The following GOLM1 variants were observed in gnomAD, a reference collection of about 807,000 sequenced individuals.
GOLM1 encodes epididymis luminal protein 46.
In GOLM1, 31 loss-of-function variants were observed where a neutral mutation model predicts 50.5. The ratio of observed to expected loss-of-function variants is 0.61; its 90% CI spans 0.46 to 0.83. The LOEUF (loss-of-function observed/expected upper bound fraction) is 0.83, where lower values mean the gene tolerates loss of function less well. Among genes scored for constraint, GOLM1 ranks in the 40% least tolerant of loss-of-function variants. The pLI, the probability that GOLM1 is intolerant of heterozygous loss-of-function variation, is 0.00. For missense variants in GOLM1, 491 were observed against 501.3 expected (o/e 0.98, Z 0.20); for synonymous variants, 178 against 192.8 (o/e 0.92, Z 0.64).
chr9:86,033,274 A>T lies in GOLM1; in HGVS notation c.1129+8T>A, dbSNP rs1833037416. ...TGACCTCGTCACCGATGTAGGCCCCATTCTTACCATCTATGTTTCTGTCAT... is the reference window on the plus strand; with the variant it reads ...TGACCTCGTCACCGATGTAGGCCCCTTTCTTACCATCTATGTTTCTGTCAT... On this transcript the variant is annotated splice_region_variant and intron_variant, in intron 9 of 9. Transcript: ENST00000388712. 4 of 1,508,480 alleles carry T rather than the reference A, an allele frequency of 2.7e-6. No individual in the cohort carries two copies. The highest frequency in any genetic ancestry group is 3.7e-6 in the Non-Finnish European group (4 of 1,083,348). 93.4% of individuals were successfully genotyped at this position (1,508,480 alleles called of 1,614,324 possible). A position where few individuals can be genotyped will look rare whatever the true frequency, so the allele number is the denominator to read the frequency against.
chr9:86,080,517 A>AT (rs1375997905), intron 1 of GOLM1, among the ~76,000 whole-genome samples: 1 of 152,190 alleles, frequency 6.6e-6, no homozygotes, highest in Non-Finnish European at 1.5e-5. Context: ...AAGGAAGAGG[A>AT]TACCACCAAG....
chr9:86,036,274 C>A, intron 7 of GOLM1, 74 bp downstream of exon 7: 2 of 1,495,480 alleles, frequency 1.3e-6, no homozygotes, highest in South Asian at 2.3e-5. Flanking sequence ...ACTGCCTCAG[C>A]AGCTCGCTGG....
chr9:86,038,549 G>A (rs1833228074), intron 6 of GOLM1, among the ~76,000 whole-genome samples: 2 of 152,186 alleles, frequency 1.3e-5, no homozygotes, highest in Admixed American at 1.3e-4. Context: ...GGGGTAGGGA[G>A]TGGGTACTGA....
chr9:86,027,969 T>C, intron 9 of GOLM1, 76 bp from the exon 10 acceptor site: 1 of 814,818 alleles, frequency 1.2e-6, no homozygotes, highest in Non-Finnish European at 2.0e-6. Context: ...CATTTTCTTA[T>C]CAACTTCTAG....
chr9:86,033,049 A>G (rs1348642870), intron 9 of GOLM1, among the ~76,000 whole-genome samples: 3 of 152,166 alleles, frequency 2.0e-5, no homozygotes, highest in Non-Finnish European at 4.4e-5. Flanking sequence ...GCCACACTGA[A>G]TATGTTTCTA....
At chr9:86,097,417 A>G (rs1160833022) in intron 1 of GOLM1, among the ~76,000 whole-genome samples, 2 of 152,220 alleles carry the variant, frequency 1.3e-5, no homozygotes, top group African/African-American at 4.8e-5. Flanking sequence ...ACATTACGTC[A>G]CTGAAAAAGA....
In GOLM1 at chr9:86,027,656, C is replaced by T; in HGVS notation, c.*161G>A. 1 of 1,400,598 alleles carries T rather than the reference C, an allele frequency of 7.1e-7. No individual in the cohort carries two copies. Among genetic ancestry groups the T allele is most frequent in the Non-Finnish European group, 9.3e-7 (1 of 1,080,292 alleles). 86.8% of individuals were successfully genotyped at this position (1,400,598 alleles called of 1,614,324 possible). ...CCCAAAAGCTGTTTAAAAGACCATT[C>T]CATTTTTTCCTACACAAAGTGCATA... On this transcript the variant is annotated 3_prime_UTR_variant, in exon 10 of 10. Transcript: ENST00000388712.
intron 3 of GOLM1, among the ~76,000 whole-genome samples, chr9:86,056,092 A>G (rs1833977792): frequency 6.6e-6 from 1 of 151,624 alleles, no homozygotes; most frequent in South Asian, 2.1e-4. Flanking sequence ...TATGAAAATT[A>G]TGGCAATTTG....
intron 3 of GOLM1, among the ~76,000 whole-genome samples, chr9:86,064,819 G>C (rs1306040397): frequency 6.6e-6 from 1 of 152,206 alleles, no homozygotes; most frequent in African/African-American, 2.4e-5. Context: ...CCTGCCTGGT[G>C]GGGGATGCAG....
chr9:86,041,395 G>T (rs968897224), intron 5 of GOLM1, among the ~76,000 whole-genome samples: 3 of 152,188 alleles, frequency 2.0e-5, no homozygotes, highest in Non-Finnish European at 4.4e-5. Flanking sequence ...GAAGGGAGGA[G>T]TGGAGATTGA....
At chr9:86,049,943 C>T (rs1479861739) in intron 4 of GOLM1, among the ~76,000 whole-genome samples, 1 of 152,116 alleles carries the variant, frequency 6.6e-6, no homozygotes, top group Non-Finnish European at 1.5e-5. Context: ...CTGTCTTGTG[C>T]CTGTTTTCAA....
intron 3 of GOLM1, 39 bp downstream of exon 3, chr9:86,077,373 C>T (rs1244532429): frequency 1.3e-6 from 2 of 1,523,332 alleles, no homozygotes; most frequent in Non-Finnish European, 1.8e-6. Context: ...AGACACCATC[C>T]CTTAGAAAAG....
In GOLM1 at chr9:86,077,459, G is replaced by C; in HGVS notation, c.262C>G (p.His88Asp). The C allele has an allele frequency of 1.9e-6, 3 of 1,614,102 alleles. No individual in the cohort carries two copies. The highest frequency in any genetic ancestry group is 1.7e-5 in the Admixed American group (1 of 60,022). ...REQLDKIQSS[H>D]NFQLESVNKL... Reference sequence around the variant, plus strand: ...TTGACGCTCTCCAGCTGGAAGTTGTGGCTGGACTGGATTTTGTCAAGCTGC... The same window carrying C: ...TTGACGCTCTCCAGCTGGAAGTTGTCGCTGGACTGGATTTTGTCAAGCTGC... Residue 88 changes from histidine (H) to aspartate (D), a missense_variant, in exon 3 of 10, where the codon CAC becomes GAC. Transcript: ENST00000388712.
chr9:86,070,797 C>A (rs182238851), intron 3 of GOLM1, among the ~76,000 whole-genome samples: 1 of 152,114 alleles, frequency 6.6e-6, no homozygotes, highest in Non-Finnish European at 1.5e-5. Flanking sequence ...ATTGATCAGG[C>A]GCAAAACTTA....
At position 86,086,954 on chromosome 9, in the gene GOLM1, T is replaced by A. The variant is rs1174445530; in HGVS notation, c.-21-7613A>T. On this transcript the variant is annotated intron_variant, in intron 1 of 9. Coordinates refer to ENST00000388712, the MANE Select transcript of GOLM1 (RefSeq NM_016548.4). ...ATATGAGCTCTTTTTTGGTTCCATA[T>A]GAACTTTAAAGTAGTTTTTTCCAAT... 3.3e-5 allele frequency among the ~76,000 whole-genome samples: 5 copies of A among 152,208 alleles called. No homozygotes were observed. In the South Asian group the frequency reaches 1.0e-3, roughly 32 times the overall value.
intron 3 of GOLM1, among the ~76,000 whole-genome samples, chr9:86,068,096 C>A (rs1340813567): frequency 2.0e-5 from 3 of 152,048 alleles, no homozygotes; most frequent in African/African-American, 7.2e-5. Context: ...GCTAGGTGGG[C>A]CCTATCCAAT....
intron 1 of GOLM1, among the ~76,000 whole-genome samples, chr9:86,092,828 T>C (rs1294963199): frequency 6.6e-6 from 1 of 152,204 alleles, no homozygotes; most frequent in Non-Finnish European, 1.5e-5. Context: ...GGTGGTCAAA[T>C]ACATCAGACA....
At chr9:86,084,751 A>G (rs1454879740) in intron 1 of GOLM1, among the ~76,000 whole-genome samples, 1 of 152,178 alleles carries the variant, frequency 6.6e-6, no homozygotes, top group Non-Finnish European at 1.5e-5. Flanking sequence ...TTAATATTTT[A>G]AAAAATTCCT....
intron 9 of GOLM1, among the ~76,000 whole-genome samples, chr9:86,029,921 AGGTGGTTAGAGCCGG>A (rs528749993): frequency 6.6e-6 from 1 of 152,340 alleles, no homozygotes; most frequent in South Asian, 2.1e-4. Context: ...CCAATTTAAA[AGGTGGTTAGAGCCGG>A]GGTGGTGGCT....
Sources: allele counts gnomAD v4.1 joint callset (sites outside exome capture counted in the v4.1 genomes callset), GRCh38; gene constraint gnomAD v4.1.1; transcripts MANE v1.5; gene names NCBI Gene and HGNC (gene_info 2026-07-23, HGNC 2026-07-21).